The following LBH variants were observed in gnomAD, a reference collection of about 807,000 sequenced individuals.
The protein encoded by LBH is protein LBH.
A neutral mutation model predicts 12.5 loss-of-function variants in LBH; 7 were observed. That is an observed-to-expected ratio of 0.56 (90% CI 0.32 to 1.05). The LOEUF (loss-of-function observed/expected upper bound fraction) is 1.05, where lower values mean the gene tolerates loss of function less well. Among genes scored for constraint, LBH ranks in the 50% least tolerant of loss-of-function variants. LBH has a pLI of 0.04. For missense variants in LBH, 119 were observed against 138.9 expected (o/e 0.86, Z 0.72); for synonymous variants, 51 against 50.1 (o/e 1.02, Z -0.08).
intron 2 of LBH, among the ~76,000 whole-genome samples, chr2:30,240,511 A>G (rs533523480): frequency 5.9e-5 from 9 of 152,282 alleles, no homozygotes; most frequent in African/African-American, 2.2e-4. Context: ...CCAGTCTAGT[A>G]GCTTCTGTGC....
At chr2:30,241,276 G>T (rs1437878638) in intron 2 of LBH, among the ~76,000 whole-genome samples, 1 of 152,086 alleles carries the variant, frequency 6.6e-6, no homozygotes, top group Non-Finnish European at 1.5e-5. Flanking sequence ...GCAGATGGGG[G>T]TTAATAAGTG....
chr2:30,257,085 A>G (rs922025721), intron 2 of LBH, among the ~76,000 whole-genome samples: 2 of 152,234 alleles, frequency 1.3e-5, no homozygotes, highest in Non-Finnish European at 2.9e-5. Flanking sequence ...TACTTCCTGC[A>G]GAGAGAGACC....
At chr2:30,249,844 C>T (rs568136204) in intron 2 of LBH, among the ~76,000 whole-genome samples, 2 of 152,296 alleles carry the variant, frequency 1.3e-5, no homozygotes, top group South Asian at 4.1e-4. Flanking sequence ...GTGTTTGATT[C>T]TCTCCAAAGC....
intron 2 of LBH, among the ~76,000 whole-genome samples, chr2:30,248,460 A>G (rs142235614): frequency 1.3e-5 from 2 of 152,358 alleles, no homozygotes; most frequent in East Asian, 3.9e-4. Flanking sequence ...GCAATGGGAC[A>G]GGCTAAATAT....
chr2:30,238,646 G>T (rs1355507487), intron 2 of LBH, among the ~76,000 whole-genome samples: 1 of 152,206 alleles, frequency 6.6e-6, no homozygotes, highest in Non-Finnish European at 1.5e-5. Context: ...CCAGGTGGGA[G>T]GGAGTGATGT....
At chr2:30,246,176 C>G (rs1015954211) in intron 2 of LBH, among the ~76,000 whole-genome samples, 1 of 151,214 alleles carries the variant, frequency 6.6e-6, no homozygotes, top group African/African-American at 2.5e-5. Context: ...CCAGGCTGGT[C>G]TCAAACTCTT....
intron 2 of LBH, among the ~76,000 whole-genome samples, chr2:30,240,833 T>C (rs1030360950): frequency 2.0e-5 from 3 of 152,232 alleles, no homozygotes; most frequent in Non-Finnish European, 4.4e-5. Flanking sequence ...CCCAAGCGTT[T>C]AGCTGAAACT....
chr2:30,242,160 A>T (rs529686817), intron 2 of LBH, among the ~76,000 whole-genome samples: 1 of 152,130 alleles, frequency 6.6e-6, no homozygotes. Context: ...TAGCATAGAG[A>T]CTGTGGAATA....
rs149999678 is a variant in LBH, at chr2:30,257,868, A to G, written c.*247A>G. 210 of 356,992 alleles carry G rather than the reference A, an allele frequency of 5.9e-4. 2 individuals are homozygous for G. The highest frequency in any genetic ancestry group is 4.4e-3 in the African/African-American group (193 of 44,032). The allele number at this position is 356,992 out of a possible 1,614,324, so 22.1% of individuals were successfully genotyped here. A position where few individuals can be genotyped will look rare whatever the true frequency, so the allele number is the denominator to read the frequency against. ...GGCCCTCTGAGAAAGGAAGCTGCTT[A>G]GAGCCAGGGGGTTAGTGGGTGAGGG... On this transcript the variant is annotated 3_prime_UTR_variant, in exon 3 of 3. Coordinates refer to ENST00000395323, the MANE Select transcript of LBH (RefSeq NM_030915.4).
At position 30,231,718 on chromosome 2, in the gene LBH, G is replaced by T. The variant is rs1349891839; in HGVS notation, c.-21G>T. 6.3e-7 allele frequency: 1 copy of T among 1,590,318 alleles called. No individual in the cohort carries two copies. The stretch of plus-strand genomic sequence containing the variant: ...CCGTTTTTAAATCACAGGGGCGTGT[G>T]TCAGCCTGCCCTAGGACTTCATGTC... On this transcript the variant is annotated 5_prime_UTR_variant, in exon 1 of 3. Transcript: ENST00000395323.
At chr2:30,247,722 T>G (rs1677899659) in intron 2 of LBH, among the ~76,000 whole-genome samples, 1 of 152,226 alleles carries the variant, frequency 6.6e-6, no homozygotes, top group Non-Finnish European at 1.5e-5. Flanking sequence ...CATACATAAG[T>G]GACATGTGGT....
chr2:30,236,448 C>G (rs1034108216), intron 2 of LBH, among the ~76,000 whole-genome samples: 3 of 152,220 alleles, frequency 2.0e-5, no homozygotes, highest in African/African-American at 7.2e-5. Flanking sequence ...TCTCAGAGCC[C>G]CCTCCCAGGA....
At chr2:30,254,783 GGCAGGGCCAGGCTCTTC>G (rs1164633347) in intron 2 of LBH, among the ~76,000 whole-genome samples, 2 of 152,226 alleles carry the variant, frequency 1.3e-5, no homozygotes, top group Non-Finnish European at 2.9e-5. Flanking sequence ...AGAGGGTGGA[GGCAGGGCCAGGCTCTTC>G]ACAGGGCAGG....
chr2:30,249,536 G>C (rs76703795), intron 2 of LBH, among the ~76,000 whole-genome samples: 1 of 152,210 alleles, frequency 6.6e-6, no homozygotes, highest in Non-Finnish European at 1.5e-5. Flanking sequence ...AAGGCCTCTG[G>C]TTGGGGGCGG....
intron 2 of LBH, among the ~76,000 whole-genome samples, chr2:30,247,963 T>C (rs1677905109): frequency 6.6e-6 from 1 of 152,210 alleles, no homozygotes; most frequent in Non-Finnish European, 1.5e-5. Context: ...AAACGACATC[T>C]TAGTATTACT....
intron 2 of LBH, among the ~76,000 whole-genome samples, chr2:30,240,523 GC>G (rs1216298466): frequency 6.6e-6 from 1 of 152,140 alleles, no homozygotes; most frequent in Non-Finnish European, 1.5e-5. Flanking sequence ...CTTCTGTGCT[GC>G]CTCTGACTGC....
intron 1 of LBH, chr2:30,232,702 A>G (rs1337082692): frequency 6.5e-6 from 1 of 153,036 alleles, no homozygotes. Context: ...CGGAAAGTTC[A>G]TGCTTCTCGC....
rs1172810354 is a variant in LBH at position 30,234,467 on chromosome 2, A to G, written c.89A>G (p.Glu30Gly). 6 of 1,614,008 alleles carry G rather than the reference A, an allele frequency of 3.7e-6. No individual in the cohort carries two copies. The Admixed American group carries it at 1.0e-4, about 27-fold the overall frequency. ...ATGATGAACACCCAGCCCATGGAGG[A>G]GATCGGCCTCAGCCCCCGCAAGGAT... ...EVMMNTQPME[E>G]IGLSPRKDGL... Residue 30 changes from glutamate (E) to glycine (G), a missense_variant, in exon 2 of 3, where the codon GAG becomes GGG. Transcript: ENST00000395323.
chr2:30,237,413 T>C (rs928705550), intron 2 of LBH, among the ~76,000 whole-genome samples: 1 of 152,190 alleles, frequency 6.6e-6, no homozygotes, highest in African/African-American at 2.4e-5. Flanking sequence ...CTGTGGCATT[T>C]TGTACTTGCC....
Sources: gnomAD v4.1 joint callset for allele counts (sites outside exome capture counted in the v4.1 genomes callset) on GRCh38, gnomAD v4.1.1 for gene constraint, MANE v1.5 for transcripts, NCBI Gene and HGNC (gene_info 2026-07-23, HGNC 2026-07-21) for gene names.